Variants in FOXN3 observed in about 807,000 individuals in gnomAD.
The protein encoded by FOXN3 is forkhead box N3.
FOXN3 carries 7 observed loss-of-function variants against 38.4 expected under a neutral mutation model. That is an observed-to-expected ratio of 0.18 (90% CI 0.10 to 0.34). The LOEUF is 0.34. Ranked by LOEUF, FOXN3 falls within the 10% of genes least tolerant of loss-of-function variation. The pLI is 1.00. For missense variants in FOXN3, 456 were observed against 613.4 expected, an observed-to-expected ratio of 0.74 and a Z score of 2.71; for synonymous variants, 230 against 242.2, an observed-to-expected ratio of 0.95 and a Z score of 0.47.
chr14:89,187,623 T>G (rs1287617849), intron 4 of FOXN3, among the ~76,000 whole-genome samples: 2 of 152,196 alleles, frequency 1.3e-5, no homozygotes, highest in Non-Finnish European at 2.9e-5. Flanking sequence ...GGCAAAGGAC[T>G]GCCTCAAATC....
intron 3 of FOXN3, among the ~76,000 whole-genome samples, chr14:89,322,501 C>T (rs1887924728): frequency 6.6e-6 from 1 of 152,026 alleles, no homozygotes; most frequent in Non-Finnish European, 1.5e-5. Flanking sequence ...GCTTGGGCCA[C>T]ACAAGGACAT....
chr14:89,249,104 A>C (rs1885378227), intron 4 of FOXN3, among the ~76,000 whole-genome samples: 1 of 152,218 alleles, frequency 6.6e-6, no homozygotes, highest in Non-Finnish European at 1.5e-5. Context: ...GGTATAAAAT[A>C]AGTATTTCAG....
chr14:89,458,046 A>C (rs1892764295), intron 1 of FOXN3, among the ~76,000 whole-genome samples: 1 of 151,466 alleles, frequency 6.6e-6, no homozygotes, highest in Non-Finnish European at 1.5e-5. Flanking sequence ...AAAAAAAAAA[A>C]AAAAAAAGGA....
intron 4 of FOXN3, among the ~76,000 whole-genome samples, chr14:89,203,391 G>C (rs976040660): frequency 4.6e-5 from 7 of 152,196 alleles, no homozygotes; most frequent in African/African-American, 1.7e-4. Flanking sequence ...TCAGAGAGAG[G>C]CTCTGGATAT....
Position 89,533,661 on chromosome 14 carries a change from C to CAA in FOXN3, c.-15+85365_-15+85366dup, listed in dbSNP as rs34194637. On this transcript the variant is annotated intron_variant, in intron 1 of 6. Coordinates refer to the FOXN3 transcript ENST00000345097. ...TGGGTGACAGAGGGAGACTCTGTCT[C>CAA]AAAAAAAAAAAAAAAAAAAAAAAAA... Among the ~76,000 whole-genome samples the CAA allele has an allele frequency of 3.7e-3, 247 of 65,930 alleles. 22 individuals are homozygous for CAA. Among genetic ancestry groups the CAA allele is most frequent in the Non-Finnish European group, 5.3e-3 (200 of 37,902 alleles). The allele number at this position is 65,930 out of a possible 152,430, so 43.3% of individuals were successfully genotyped here. A position where few individuals can be genotyped will look rare whatever the true frequency, so the allele number is the denominator to read the frequency against.
At chr14:89,501,966 G>A (rs552044025) in intron 1 of FOXN3, among the ~76,000 whole-genome samples, 1 of 152,196 alleles carries the variant, frequency 6.6e-6, no homozygotes, top group African/African-American at 2.4e-5. Context: ...AGGAATTCGA[G>A]ACCAGCCTGA....
intron 4 of FOXN3, among the ~76,000 whole-genome samples, chr14:89,222,067 C>A (rs1045206399): frequency 6.6e-6 from 1 of 152,202 alleles, no homozygotes; most frequent in Non-Finnish European, 1.5e-5. Context: ...CTGCCCGCCT[C>A]GGCCTCCCAA....
intron 1 of FOXN3, among the ~76,000 whole-genome samples, chr14:89,601,741 G>A (rs749224948): frequency 2.0e-5 from 3 of 151,994 alleles, no homozygotes; most frequent in Non-Finnish European, 2.9e-5. Context: ...AAAAATGAGT[G>A]CAAGGTTTTT....
chr14:89,334,729 T>A (rs1270490998), intron 3 of FOXN3, among the ~76,000 whole-genome samples: 2 of 152,154 alleles, frequency 1.3e-5, no homozygotes, highest in African/African-American at 4.8e-5. Flanking sequence ...AGATTTGTTT[T>A]GTTTTGTTTT....
rs148780080 is a variant in FOXN3 at position 89,205,470 on chromosome 14, G to A, written c.746-24664C>T. Among the ~76,000 whole-genome samples the A allele has an allele frequency of 2.8e-4, 43 of 152,276 alleles. No individual in the cohort carries two copies. The Middle Eastern group carries it at 0.014, about 48-fold the overall frequency. On this transcript the variant is annotated intron_variant, in intron 4 of 5. Coordinates refer to ENST00000557258, the MANE Select transcript of FOXN3 (RefSeq NM_005197.4). The stretch of plus-strand genomic sequence containing the variant: ...CCTTCTGGCCTGCCACACTCCCATC[G>A]TGTGCCCACAAAAACCCAAGACCCT...
chr14:89,454,925 A>G (rs1302803679), intron 1 of FOXN3, among the ~76,000 whole-genome samples: 1 of 152,158 alleles, frequency 6.6e-6, no homozygotes, highest in African/African-American at 2.4e-5. Context: ...TGGTTCCTAT[A>G]TGTTCCAGAG....
intron 4 of FOXN3, among the ~76,000 whole-genome samples, chr14:89,245,092 A>G (rs1885251958): frequency 6.6e-6 from 1 of 152,256 alleles, no homozygotes; most frequent in African/African-American, 2.4e-5. Context: ...TGAGAAAGTG[A>G]AGCTTCAAAT....
intron 2 of FOXN3, among the ~76,000 whole-genome samples, chr14:89,382,339 G>A (rs1890670821): frequency 6.6e-6 from 1 of 151,950 alleles, no homozygotes; most frequent in Non-Finnish European, 1.5e-5. Flanking sequence ...CACACTCCAT[G>A]CCTCTCCGTG....
intron 2 of FOXN3, among the ~76,000 whole-genome samples, chr14:89,356,045 G>GA (rs552244272): frequency 3.6e-4 from 40 of 112,066 alleles, no homozygotes; most frequent in African/African-American, 1.1e-3. Flanking sequence ...GGTATGAAAA[G>GA]AAAAAAAAAG....
At chr14:89,422,936 C>CA (rs1244810519) in intron 1 of FOXN3, among the ~76,000 whole-genome samples, 1 of 152,146 alleles carries the variant, frequency 6.6e-6, no homozygotes, top group Non-Finnish European at 1.5e-5. Context: ...CTGCTGGAGG[C>CA]AAAATGGAAA....
Position 89,291,365 on chromosome 14 carries a change from C to T in FOXN3, c.681-10351G>A, listed in dbSNP as rs1269619646. On this transcript the variant is annotated intron_variant, in intron 3 of 5. Coordinates refer to ENST00000557258, the MANE Select transcript of FOXN3 (RefSeq NM_005197.4). ...ATCAGAAGGAAAGCCCTGTAACACCCTTTCTGCATAAGTCTCCATGTCACC... is the reference window on the plus strand; with the variant it reads ...ATCAGAAGGAAAGCCCTGTAACACCTTTTCTGCATAAGTCTCCATGTCACC... The T allele has an allele frequency of 6.8e-6, 4 of 586,958 alleles. No individual in the cohort carries two copies. In the African/African-American group the frequency reaches 7.5e-5, roughly 11 times the overall value. 36.4% of individuals were successfully genotyped at this position (586,958 alleles called of 1,614,324 possible). A position where few individuals can be genotyped will look rare whatever the true frequency, so the allele number is the denominator to read the frequency against.
intron 1 of FOXN3, among the ~76,000 whole-genome samples, chr14:89,593,213 A>C (rs1895994340): frequency 7.6e-6 from 1 of 132,410 alleles, no homozygotes. Flanking sequence ...GAGAGGGAGA[A>C]GGAAGGGAGG....
intron 4 of FOXN3, among the ~76,000 whole-genome samples, chr14:89,264,822 T>C (rs1885920410): frequency 6.6e-6 from 1 of 152,230 alleles, no homozygotes; most frequent in African/African-American, 2.4e-5. Flanking sequence ...TAGGATTCCA[T>C]GCAGCTATCT....
At chr14:89,566,291 G>A (rs957327311) in intron 1 of FOXN3, among the ~76,000 whole-genome samples, 24 of 134,900 alleles carry the variant, frequency 1.8e-4, no homozygotes, top group African/African-American at 4.5e-4. Context: ...GCCTACAGAG[G>A]TATTTAATCA....
Sources: gnomAD v4.1 joint callset for allele counts (sites outside exome capture counted in the v4.1 genomes callset) on GRCh38, gnomAD v4.1.1 for gene constraint, MANE v1.5 for transcripts, NCBI Gene and HGNC (gene_info 2026-07-23, HGNC 2026-07-21) for gene names.